ACTR3C: variants seen among roughly 807,000 people sequenced by gnomAD.
ACTR3C encodes the protein actin related protein 3C.
Under a neutral mutation model 26.3 loss-of-function variants are expected in ACTR3C, and 18 were observed. The observed-to-expected ratio is 0.68, with a 90% CI of 0.47 to 1.01. The LOEUF (loss-of-function observed/expected upper bound fraction) is 1.01. Ranked by LOEUF, ACTR3C falls within the 50% of genes least tolerant of loss-of-function variation. The pLI is 0.00. For missense variants in ACTR3C, 184 were observed against 250.7 expected, an observed-to-expected ratio of 0.73 and a Z score of 1.80; for synonymous variants, 55 against 94.5, an observed-to-expected ratio of 0.58 and a Z score of 2.42.
At chr7:150,279,898 A>G (rs1302581253) in intron 6 of ACTR3C, among the ~76,000 whole-genome samples, 2 of 152,220 alleles carry the variant, frequency 1.3e-5, no homozygotes, top group East Asian at 1.9e-4. Context: ...CTTGAAGACA[A>G]GAACCGAATC....
chr7:149,907,977 A>C, the ACTR3C span, among the ~76,000 whole-genome samples: 2 of 151,928 alleles, frequency 1.3e-5, no homozygotes, highest in Non-Finnish European at 2.9e-5. Context: ...CACTACGCAG[A>C]AGCCCTAACC....
chr7:150,282,453 A>T, intron 6 of ACTR3C, among the ~76,000 whole-genome samples: 1 of 150,382 alleles, frequency 6.6e-6, no homozygotes, highest in Non-Finnish European at 1.5e-5. Context: ...AACGGGGTAT[A>T]GAGTTCAGCT....
chr7:150,146,548 AT>A, the ACTR3C span, among the ~76,000 whole-genome samples: 1 of 152,006 alleles, frequency 6.6e-6, no homozygotes, highest in African/African-American at 2.4e-5. Flanking sequence ...CACCAAACTG[AT>A]TTTCTTTTTT....
chr7:150,227,703 T>TTG, the ACTR3C span, among the ~76,000 whole-genome samples: 100 of 128,034 alleles, frequency 7.8e-4, 4 homozygotes, highest in African/African-American at 3.3e-3. Context: ...TTTTTTTTGT[T>TTG]TTTTTTTTTT....
At chr7:150,051,397 C>T in the ACTR3C span, among the ~76,000 whole-genome samples, 1 of 145,322 alleles carries the variant, frequency 6.9e-6, no homozygotes, top group Admixed American at 7.0e-5. Context: ...CACACACACA[C>T]ACAAACAAGG....
At chr7:150,317,644 T>G (rs1383404894) in intron 1 of ACTR3C, among the ~76,000 whole-genome samples, 2 of 152,172 alleles carry the variant, frequency 1.3e-5, no homozygotes, top group African/African-American at 2.4e-5. Flanking sequence ...ATTATCTTAT[T>G]CTTGAATTCA....
the ACTR3C span, among the ~76,000 whole-genome samples, chr7:150,161,268 GGTTT>G: frequency 7.2e-6 from 1 of 138,244 alleles, no homozygotes; most frequent in Non-Finnish European, 1.5e-5. Context: ...ACAACATGCA[GGTTT>G]GTTACATATG....
chr7:150,209,616 ACAGCTGTAACCC>A, the ACTR3C span, among the ~76,000 whole-genome samples: 4 of 150,840 alleles, frequency 2.7e-5, no homozygotes, highest in East Asian at 5.8e-4. Flanking sequence ...ATGGTGGCTC[ACAGCTGTAACCC>A]CAGCACTTCG....
At chr7:150,014,837 C>T in the ACTR3C span, among the ~76,000 whole-genome samples, 1 of 152,150 alleles carries the variant, frequency 6.6e-6, no homozygotes, top group Non-Finnish European at 1.5e-5. Flanking sequence ...TGACTTCTTG[C>T]CACTCCTCAC....
chr7:149,959,222 GC>G, the ACTR3C span, among the ~76,000 whole-genome samples: 204 of 30,624 alleles, frequency 6.7e-3, no homozygotes, highest in Non-Finnish European at 0.013. Flanking sequence ...TAATTAGCTC[GC>G]CCCCCACCCC....
the ACTR3C span, among the ~76,000 whole-genome samples, chr7:150,148,664 C>T: frequency 6.6e-6 from 1 of 152,102 alleles, no homozygotes; most frequent in Admixed American, 6.5e-5. Context: ...TTTTACAATT[C>T]ATAAATGGCA....
the ACTR3C span, among the ~76,000 whole-genome samples, chr7:150,221,780 G>A: frequency 2.6e-5 from 4 of 152,080 alleles, no homozygotes; most frequent in Non-Finnish European, 4.4e-5. Context: ...GGATCACGAG[G>A]TCAGGAGATT....
chr7:149,906,845 C>T, the ACTR3C span, among the ~76,000 whole-genome samples: 1 of 49,498 alleles, frequency 2.0e-5, no homozygotes, highest in Admixed American at 2.4e-4. Flanking sequence ...TTCTCAGCCC[C>T]TCGCTGCTCC....
chr7:150,067,478 A>G, the ACTR3C span, among the ~76,000 whole-genome samples: 1 of 152,192 alleles, frequency 6.6e-6, no homozygotes, highest in South Asian at 2.1e-4. Context: ...CATCCACAGC[A>G]CACAACACAG....
chr7:149,901,674 CA>C, the ACTR3C span, among the ~76,000 whole-genome samples: 1 of 151,960 alleles, frequency 6.6e-6, no homozygotes, highest in African/African-American at 2.4e-5. Flanking sequence ...ATCACTTTGA[CA>C]GACTGAGGCA....
At chr7:150,156,031 A>C in the ACTR3C span, among the ~76,000 whole-genome samples, 1 of 151,842 alleles carries the variant, frequency 6.6e-6, no homozygotes, top group African/African-American at 2.4e-5. Context: ...GGAATTGTGG[A>C]GCATCCTTTA....
intron 3 of ACTR3C, among the ~76,000 whole-genome samples, chr7:150,292,266 G>A (rs2129613082): frequency 6.6e-6 from 1 of 152,172 alleles, no homozygotes; most frequent in South Asian, 2.1e-4. Flanking sequence ...GACCTCAAAG[G>A]AGAAAGACCA....
the ACTR3C span, among the ~76,000 whole-genome samples, chr7:149,964,427 G>A: frequency 2.6e-5 from 4 of 152,132 alleles, no homozygotes; most frequent in African/African-American, 9.7e-5. Flanking sequence ...GAAGTGAGGA[G>A]GAAGAAGAGA....
At chr7:150,200,050 C>T in the ACTR3C span, among the ~76,000 whole-genome samples, 1 of 152,170 alleles carries the variant, frequency 6.6e-6, no homozygotes, top group Non-Finnish European at 1.5e-5. Flanking sequence ...AATCAATGAT[C>T]TTTCAGCAAG....
Sources: allele counts gnomAD v4.1 joint callset (sites outside exome capture counted in the v4.1 genomes callset), GRCh38; gene constraint gnomAD v4.1.1; transcripts MANE v1.5; gene names NCBI Gene and HGNC (gene_info 2026-07-23, HGNC 2026-07-21).